Variants in CHLSN observed in about 807,000 individuals in gnomAD.
The protein encoded by CHLSN is protein cholesin.
chr7:1,006,495 G>GCAGGGAAAGAGCACACGACGGCCACAGCA, the CHLSN span, among the ~76,000 whole-genome samples: 1 of 130,420 alleles, frequency 7.7e-6, no homozygotes, highest in Admixed American at 7.9e-5. Context: ...CGGCCACAGC[G>GCAGGGAAAGAGCACACGACGGCCACAGCA]CAGGGAAAGA....
the CHLSN span, among the ~76,000 whole-genome samples, chr7:1,108,347 G>A: frequency 1.2e-5 from 1 of 80,358 alleles, no homozygotes; most frequent in Non-Finnish European, 2.5e-5. Context: ...GCAGAGGGGG[G>A]CTGTGTCCCG....
the CHLSN span, among the ~76,000 whole-genome samples, chr7:1,136,473 A>AATATATAAACATATATAAACATATAAAT: frequency 9.1e-6 from 1 of 109,724 alleles, no homozygotes; most frequent in Non-Finnish European, 1.6e-5. Context: ...AACATATATA[A>AATATATAAACATATATAAACATATAAAT]ATATATAAAC....
At chr7:1,063,622 C>T in the CHLSN span, among the ~76,000 whole-genome samples, 30 of 152,158 alleles carry the variant, frequency 2.0e-4, no homozygotes, top group Admixed American at 6.5e-5. Flanking sequence ...GCCTCAGCCG[C>T]GCACGCTCAC....
the CHLSN span, among the ~76,000 whole-genome samples, chr7:1,115,270 T>C: frequency 6.6e-6 from 1 of 152,258 alleles, no homozygotes; most frequent in African/African-American, 2.4e-5. Flanking sequence ...CAAACACTTC[T>C]TGGGCATTCA....
the CHLSN span, chr7:1,027,155 A>G: frequency 6.6e-6 from 1 of 152,266 alleles, no homozygotes; most frequent in African/African-American, 2.4e-5. Context: ...GTTGTTACAC[A>G]TAGTTTAAAA....
the CHLSN span, chr7:1,058,065 G>A: frequency 1.2e-5 from 9 of 767,762 alleles, no homozygotes; most frequent in African/African-American, 1.2e-4. Context: ...GATGCAGAAC[G>A]CAGAAGCTGC....
the CHLSN span, among the ~76,000 whole-genome samples, chr7:1,016,837 GCACGCCAGCACACAGCAGCA>G: frequency 1.2e-5 from 1 of 82,936 alleles, no homozygotes; most frequent in African/African-American, 6.4e-5. Context: ...GCACAGCAGC[GCACGCCAGCACACAGCAGCA>G]CACAGCACAC....
At chr7:1,048,394 C>A in the CHLSN span, among the ~76,000 whole-genome samples, 1 of 152,234 alleles carries the variant, frequency 6.6e-6, no homozygotes, top group African/African-American at 2.4e-5. Flanking sequence ...GTTTCTGTTT[C>A]TGCCAGCTCT....
At chr7:1,005,718 C>T in the CHLSN span, among the ~76,000 whole-genome samples, 1 of 152,230 alleles carries the variant, frequency 6.6e-6, no homozygotes, top group African/African-American at 2.4e-5. Context: ...TGCTGGGCAA[C>T]ATGGGGACCT....
At chr7:1,024,201 T>C in the CHLSN span, among the ~76,000 whole-genome samples, 1 of 152,164 alleles carries the variant, frequency 6.6e-6, no homozygotes, top group Admixed American at 6.5e-5. Context: ...AGCCCCCACT[T>C]TCTTCCTAAA....
the CHLSN span, chr7:987,071 A>C: frequency 6.8e-7 from 1 of 1,473,724 alleles, no homozygotes; most frequent in Non-Finnish European, 9.0e-7. Flanking sequence ...GACAGACCCC[A>C]GATCATCCCA....
At chr7:989,874 T>C in the CHLSN span, among the ~76,000 whole-genome samples, 285 of 142,362 alleles carry the variant, frequency 2.0e-3, no homozygotes, top group East Asian at 8.7e-3. Flanking sequence ...CTGGGGGCGG[T>C]GTGGTCGGCA....
chr7:1,057,717 A>T, the CHLSN span: 1 of 776,134 alleles, frequency 1.3e-6, no homozygotes, highest in East Asian at 2.4e-5. Flanking sequence ...GTACTTTGTC[A>T]ACATGGCAGT....
chr7:1,131,542 A>G, the CHLSN span, among the ~76,000 whole-genome samples: 1 of 152,234 alleles, frequency 6.6e-6, no homozygotes. Flanking sequence ...TTATTCTTTA[A>G]TTGAGCCTTA....
the CHLSN span, among the ~76,000 whole-genome samples, chr7:1,083,426 C>A: frequency 1.3e-5 from 2 of 151,932 alleles, no homozygotes. Context: ...AGATCGAGAC[C>A]ATCCTGGCTA....
the CHLSN span, chr7:1,093,489 G>A: frequency 8.5e-6 from 4 of 470,292 alleles, no homozygotes; most frequent in Non-Finnish European, 1.8e-5. Flanking sequence ...CCCACGAGGA[G>A]CAGCAGCGCT....
At chr7:1,009,870 G>A in the CHLSN span, 2 of 1,224,484 alleles carry the variant, frequency 1.6e-6, no homozygotes, top group Non-Finnish European at 1.1e-6. Context: ...CACAGTGTGT[G>A]CGAGTGAAGG....
chr7:1,121,647 C>A, the CHLSN span, among the ~76,000 whole-genome samples: 6 of 152,392 alleles, frequency 3.9e-5, no homozygotes, highest in East Asian at 1.2e-3. Flanking sequence ...CGCGTTCTGG[C>A]TGTGCGAGGC....
the CHLSN span, among the ~76,000 whole-genome samples, chr7:985,517 T>C: frequency 6.6e-6 from 1 of 152,182 alleles, no homozygotes; most frequent in African/African-American, 2.4e-5. Context: ...CCAGCCCCTG[T>C]GCTCTCCAGG....
Sources: gnomAD v4.1 joint callset for allele counts (sites outside exome capture counted in the v4.1 genomes callset) on GRCh38, gnomAD v4.1.1 for gene constraint, MANE v1.5 for transcripts, NCBI Gene and HGNC (gene_info 2026-07-23, HGNC 2026-07-21) for gene names.